The following PCDHGA5 variants were observed in gnomAD, a reference collection of about 807,000 sequenced individuals.
PCDHGA5 encodes the protein protocadherin gamma-A5.
Under a neutral mutation model 56.7 loss-of-function variants are expected in PCDHGA5, and 36 were observed. The ratio of observed to expected loss-of-function variants is 0.64; its 90% CI spans 0.49 to 0.84. The LOEUF is 0.84. Among genes scored for constraint, PCDHGA5 ranks in the 40% least tolerant of loss-of-function variants. The probability of loss-of-function intolerance (pLI) is 0.00; values close to 1 mark genes in which losing one functional copy is unlikely to be tolerated. For synonymous variants in PCDHGA5, 563 were observed against 520.2 expected, an observed-to-expected ratio of 1.08 and a Z score of -1.12; for missense variants, 1,305 against 1,201.5, an observed-to-expected ratio of 1.09 and a Z score of -1.27.
rs371619613 is a variant in PCDHGA5 at position 141,444,258 on chromosome 5, G to A, written c.2422-50549G>A. The stretch of plus-strand genomic sequence containing the variant: ...ATGCTCTCGGCTCACTGCAACCTCC[G>A]CCTCCCAGGTTCAAGTGATTCTCCT... On this transcript the variant is annotated intron_variant, in intron 1 of 3. Coordinates refer to ENST00000518069, the MANE Select transcript of PCDHGA5 (RefSeq NM_018918.3). 1.3e-4 allele frequency among the ~76,000 whole-genome samples: 16 copies of A among 127,752 alleles called. No homozygotes were observed. The South Asian group carries it at 2.7e-3, about 21-fold the overall frequency. The allele number at this position is 127,752 out of a possible 152,430, so 83.8% of individuals were successfully genotyped here.
chr5:141,494,924 TGGGAGGAGATGGGGGAG>T, intron 2 of PCDHGA5, 59 bp downstream of exon 2: 1 of 1,613,498 alleles, frequency 6.2e-7, no homozygotes, highest in Admixed American at 1.7e-5. Flanking sequence ...AGGGATGACG[TGGGAGGAGATGGGGGAG>T]GGCCCAGCAT....
intron 1 of PCDHGA5, among the ~76,000 whole-genome samples, chr5:141,456,288 G>A (rs371687260): frequency 1.4e-3 from 217 of 152,226 alleles, no homozygotes; most frequent in Middle Eastern, 6.8e-3. Context: ...GAAAAGGGGC[G>A]TCTAATGGAG....
At chr5:141,461,178 G>A (rs2154567263) in intron 1 of PCDHGA5, among the ~76,000 whole-genome samples, 1 of 152,144 alleles carries the variant, frequency 6.6e-6, no homozygotes, top group East Asian at 1.9e-4. Context: ...TGGATTGAAT[G>A]GTAGATCTGT....
Position 141,432,581 on chromosome 5 carries a change from C to T in PCDHGA5, c.2422-62226C>T. 6.2e-7 allele frequency: 1 copy of T among 1,613,930 alleles called. No homozygotes were observed. The highest frequency in any genetic ancestry group is 8.5e-7 in the Non-Finnish European group (1 of 1,179,974). On this transcript the variant is annotated intron_variant, in intron 1 of 3. Coordinates refer to ENST00000518069, the MANE Select transcript of PCDHGA5 (RefSeq NM_018918.3). The surrounding 1 kb of genome is among the most constrained non-coding windows in gnomAD (Gnocchi z 6.0). ...CCAGAACGCCTGGCTGTCCTACCGT[C>T]TGCTCAAGGCCAGCGAGCCGGGACT...
intron 1 of PCDHGA5, chr5:141,403,542 A>T (rs561106024): frequency 1.2e-6 from 2 of 1,613,990 alleles, no homozygotes; most frequent in East Asian, 4.5e-5. Context: ...CTGGTGCTGG[A>T]GCGCGCCCTG....
In PCDHGA5 at chr5:141,381,826, C is replaced by CTTCTTTTT. The variant is rs1777532522; in HGVS notation, c.2421+15077_2421+15078insCTTTTTTT. 1.5e-3 allele frequency among the ~76,000 whole-genome samples: 109 copies of CTTCTTTTT among 74,300 alleles called. 1 individual carries two copies. Among genetic ancestry groups the CTTCTTTTT allele is most frequent in the African/African-American group, 6.4e-3 (104 of 16,204 alleles). 48.7% of individuals were successfully genotyped at this position (74,300 alleles called of 152,430 possible). On this transcript the variant is annotated intron_variant, in intron 1 of 3. Transcript: ENST00000518069. ...TTTCTTTCTTTCTTTCTTTCTTCTT[C>CTTCTTTTT]TTTTTTTTTTTTTTTTTTTTTTGGC...
chr5:141,403,476 A>G lies in PCDHGA5; in HGVS notation c.2421+36725A>G, dbSNP rs1258805283. The G allele has an allele frequency of 5.6e-6, 9 of 1,613,972 alleles. No homozygotes were observed. In the Admixed American group the frequency reaches 8.3e-5, roughly 15 times the overall value. On this transcript the variant is annotated intron_variant, in intron 1 of 3. Coordinates refer to ENST00000518069, the MANE Select transcript of PCDHGA5 (RefSeq NM_018918.3). ...CTCCAGAGCTACCAGCTCAGCCCCA[A>G]TCACCACTTCTCCCTGAACGTGCAG...
Position 141,491,586 on chromosome 5 carries a change from G to T in PCDHGA5, c.2422-3221G>T, listed in dbSNP as rs373990387. ...ACAGGACGTGCTTTTCACCGGCCTC[G>T]GACGGCAGTGACTTCACTTTTCTAA... On this transcript the variant is annotated intron_variant, in intron 1 of 3. Transcript: ENST00000518069. This position sits in a 1 kb window ranked among gnomAD's most constrained non-coding sequence, Gnocchi z 6.9. 2.1e-5 allele frequency: 34 copies of T among 1,613,792 alleles called. No individual in the cohort carries two copies. In the African/African-American group the frequency reaches 2.4e-4, roughly 11 times the overall value.
At position 141,365,027 on chromosome 5, in the gene PCDHGA5, C is replaced by T. The variant is rs1277837734; in HGVS notation, c.697C>T (p.Leu233Phe). 6.2e-7 allele frequency: 1 copy of T among 1,613,896 alleles called. No homozygotes were observed. The highest frequency in any genetic ancestry group is 1.1e-5 in the South Asian group (1 of 91,086). Residue 233 changes from leucine (L) to phenylalanine (F), a missense_variant, in exon 1 of 4, where the codon CTC becomes TTC. Transcript: ENST00000518069. ...SGTTHIRVTV[L>F]DANDNAPLFT... ...CACCACGCACATCCGTGTTACGGTC[C>T]TCGACGCAAACGACAATGCGCCCCT...
At chr5:141,372,628 A>G (rs1561557041) in intron 1 of PCDHGA5, 5 of 1,614,014 alleles carry the variant, frequency 3.1e-6, no homozygotes, top group Non-Finnish European at 4.2e-6. Flanking sequence ...ACCTACAGCG[A>G]AAGGACTTTG....
chr5:141,427,896 C>G, intron 1 of PCDHGA5: 1 of 1,570,508 alleles, frequency 6.4e-7, no homozygotes, highest in East Asian at 2.2e-5. Context: ...CCAGGGCTCG[C>G]CCGCGCTCAG....
rs1411664231 is a variant in PCDHGA5 at position 141,390,362 on chromosome 5, GA to G, written c.2421+23615del. 3.9e-6 allele frequency: 6 copies of G among 1,532,890 alleles called. No individual in the cohort carries two copies. In the African/African-American group the frequency reaches 8.3e-5, roughly 21 times the overall value. 95.0% of individuals were successfully genotyped at this position (1,532,890 alleles called of 1,614,324 possible). ...CACAAGAAAATATACATATTTGCAG[GA>G]AAATATATAATTTTTAGATGTCATG... On this transcript the variant is annotated intron_variant, in intron 1 of 3. Coordinates refer to ENST00000518069, the MANE Select transcript of PCDHGA5 (RefSeq NM_018918.3).
At position 141,431,270 on chromosome 5, in the gene PCDHGA5, G is replaced by C. The variant is rs369177310; in HGVS notation, c.2422-63537G>C. 1.2e-5 allele frequency: 19 copies of C among 1,613,996 alleles called. No homozygotes were observed. Among genetic ancestry groups the C allele is most frequent in the Non-Finnish European group, 1.5e-5 (18 of 1,180,018 alleles). ...CGGGAAGAACTCTCTGCAGAGCTAC[G>C]AGCTCAGCCCGAACACTCACTTCTC... is the stretch of plus-strand genomic sequence containing the variant. On this transcript the variant is annotated intron_variant, in intron 1 of 3. Coordinates refer to ENST00000518069, the MANE Select transcript of PCDHGA5 (RefSeq NM_018918.3). This position sits in a 1 kb window ranked among gnomAD's most constrained non-coding sequence, Gnocchi z 4.8.
At chr5:141,394,592 G>T (rs754585576) in intron 1 of PCDHGA5, 1 of 1,613,760 alleles carries the variant, frequency 6.2e-7, no homozygotes, top group Non-Finnish European at 8.5e-7. Flanking sequence ...AGGTGGTGGC[G>T]GTGGACAGAG....
In PCDHGA5 at chr5:141,511,197, C is replaced by A; in HGVS notation, c.*24C>A. 1 of 1,613,140 alleles carries A rather than the reference C, an allele frequency of 6.2e-7. No individual in the cohort carries two copies. Among genetic ancestry groups the A allele is most frequent in the Non-Finnish European group, 8.5e-7 (1 of 1,179,524 alleles). Reference sequence around the variant, plus strand: ...AACATGGAGGCCAGGCCAAGAGCCACAGGGCGGCCTCTCCCCAACCAGCCC... The same window carrying A: ...AACATGGAGGCCAGGCCAAGAGCCAAAGGGCGGCCTCTCCCCAACCAGCCC... On this transcript the variant is annotated 3_prime_UTR_variant, in exon 4 of 4. Transcript: ENST00000518069.
At chr5:141,407,179 C>T (rs566759065) in intron 1 of PCDHGA5, among the ~76,000 whole-genome samples, 2 of 152,256 alleles carry the variant, frequency 1.3e-5, no homozygotes, top group South Asian at 2.1e-4. Context: ...GACATACAGA[C>T]ATTTTAATTA....
intron 1 of PCDHGA5, among the ~76,000 whole-genome samples, chr5:141,492,394 G>C (rs2099740158): frequency 6.6e-6 from 1 of 152,220 alleles, no homozygotes; most frequent in African/African-American, 2.4e-5. Context: ...CGGTCCACTC[G>C]CAGCTCCCCT....
rs774487660 is a variant in PCDHGA5, at chr5:141,404,806, G to C, written c.2421+38055G>C. 6 of 1,613,874 alleles carry C rather than the reference G, an allele frequency of 3.7e-6. No individual in the cohort carries two copies. In the South Asian group the frequency reaches 5.5e-5, roughly 15 times the overall value. On this transcript the variant is annotated intron_variant, in intron 1 of 3. Transcript: ENST00000518069. ...AGGCCAGTGAGCCAGGGCTCTTCTCGGTGGGGCTGCACACAGGTGAAGTGC... is the reference window on the plus strand; with the variant it reads ...AGGCCAGTGAGCCAGGGCTCTTCTCCGTGGGGCTGCACACAGGTGAAGTGC...
chr5:141,476,556 C>G lies in PCDHGA5; in HGVS notation c.2422-18251C>G. On this transcript the variant is annotated intron_variant, in intron 1 of 3. Transcript: ENST00000518069. This position sits in a 1 kb window ranked among gnomAD's most constrained non-coding sequence, Gnocchi z 7.6. ...GAAATGAAATTGGAGATTAGCGAGG[C>G]CGTGGCTCCGGGGACGCGCTTTCCG... The G allele has an allele frequency of 6.2e-7, 1 of 1,614,234 alleles. No homozygotes were observed. The highest frequency in any genetic ancestry group is 8.5e-7 in the Non-Finnish European group (1 of 1,180,036).
Sources: gnomAD v4.1 joint callset for allele counts (sites outside exome capture counted in the v4.1 genomes callset) on GRCh38, gnomAD v4.1.1 for gene constraint, Gnocchi (gnomAD v3.1) non-coding constraint, MANE v1.5 for transcripts, NCBI Gene and HGNC (gene_info 2026-07-23, HGNC 2026-07-21) for gene names.